Variants in THSD7B observed in about 807,000 individuals in gnomAD.
The protein encoded by THSD7B is thrombospondin type 1 domain containing 7B.
In THSD7B, 138 loss-of-function variants were observed where a neutral mutation model predicts 213.6. That is an observed-to-expected ratio of 0.65 (90% CI 0.56 to 0.74). The LOEUF is 0.74. Among genes scored for constraint, THSD7B ranks in the 30% least tolerant of loss-of-function variants. THSD7B has a pLI of 0.00. For missense variants in THSD7B, 1,931 were observed against 1,991.5 expected (o/e 0.97, Z 0.58); for synonymous variants, 742 against 687.0 (o/e 1.08, Z -1.25).
Position 137,353,009 on chromosome 2 carries a change from C to T in THSD7B, c.2501-52604C>T, listed in dbSNP as rs572542177. ...TTAAAATCTCCTAGAATTGGAGTTT[C>T]CTGGAAGATAGTAGAAATGTAGAGT... On this transcript the variant is annotated intron_variant, in intron 12 of 27. Transcript: ENST00000409968. Among the ~76,000 whole-genome samples the T allele has an allele frequency of 2.0e-5, 3 of 151,890 alleles. No homozygotes were observed. The East Asian group carries it at 5.8e-4, about 30-fold the overall frequency.
At chr2:136,792,499 T>G (rs1157266998) in intron 1 of THSD7B, among the ~76,000 whole-genome samples, 1 of 151,980 alleles carries the variant, frequency 6.6e-6, no homozygotes, top group Non-Finnish European at 1.5e-5. Context: ...GTGTGAACCC[T>G]GGTGTAAACG....
At chr2:137,583,576 C>T (rs929497711) in intron 17 of THSD7B, among the ~76,000 whole-genome samples, 3 of 152,180 alleles carry the variant, frequency 2.0e-5, no homozygotes, top group Non-Finnish European at 2.9e-5. Flanking sequence ...GTTTTCCCAG[C>T]ACCATTTATT....
chr2:136,778,084 G>T (rs1443705957), intron 1 of THSD7B, among the ~76,000 whole-genome samples: 1 of 152,082 alleles, frequency 6.6e-6, no homozygotes, highest in Non-Finnish European at 1.5e-5. Context: ...TCTGGTTGAT[G>T]GAATTATCAT....
intron 7 of THSD7B, among the ~76,000 whole-genome samples, chr2:137,191,016 C>T (rs1680646497): frequency 6.6e-6 from 1 of 152,192 alleles, no homozygotes; most frequent in Non-Finnish European, 1.5e-5. Flanking sequence ...AGGCGATCAC[C>T]CAAGCTGCCT....
intron 1 of THSD7B, among the ~76,000 whole-genome samples, chr2:136,873,572 T>C (rs572594492): frequency 6.6e-6 from 1 of 152,334 alleles, no homozygotes; most frequent in Non-Finnish European, 1.5e-5. Flanking sequence ...TTCAGAAATA[T>C]GGCACAAAGT....
At chr2:137,369,988 A>AATC (rs397770300) in intron 12 of THSD7B, among the ~76,000 whole-genome samples, 13 of 151,846 alleles carry the variant, frequency 8.6e-5, no homozygotes, top group Admixed American at 7.9e-4. Context: ...GGAAGAAAAA[A>AATC]TCTGCCACTT....
At chr2:136,875,128 A>G (rs1158198081) in intron 1 of THSD7B, among the ~76,000 whole-genome samples, 3 of 152,202 alleles carry the variant, frequency 2.0e-5, no homozygotes, top group African/African-American at 7.2e-5. Flanking sequence ...CCTGTGTTCA[A>G]ACTCCATTCT....
chr2:136,994,088 C>T (rs1558880108), intron 2 of THSD7B, among the ~76,000 whole-genome samples: 1 of 152,174 alleles, frequency 6.6e-6, no homozygotes, highest in African/African-American at 2.4e-5. Flanking sequence ...TGCCACATCA[C>T]AGATGACTTG....
chr2:137,056,892 C>A lies in THSD7B; in HGVS notation c.612C>A (p.Arg204=). 1 of 1,613,846 alleles carries A rather than the reference C, an allele frequency of 6.2e-7. No homozygotes were observed. Among genetic ancestry groups the A allele is most frequent in the Non-Finnish European group, 8.5e-7 (1 of 1,179,864 alleles). ...GCGKKLQHRT[R]AVIAPPLFGG... The stretch of plus-strand genomic sequence containing the variant: ...GGAAGAAATTGCAGCATAGAACTCG[C>A]GCGGTCATAGCTCCCCCTCTCTTTG... The change falls in exon 3 of 28, where the codon CGC becomes CGA. Residue 204 remains arginine, a synonymous_variant. Transcript: ENST00000409968.
At position 137,382,127 on chromosome 2, in the gene THSD7B, A is replaced by AT. The variant is rs1385964347; in HGVS notation, c.2501-23476dup. Among the ~76,000 whole-genome samples the AT allele has an allele frequency of 7.2e-3, 1,068 of 149,014 alleles. 6 individuals carry two copies. Among genetic ancestry groups the AT allele is most frequent in the African/African-American group, 0.02 (807 of 40,804 alleles). On this transcript the variant is annotated intron_variant, in intron 12 of 27. Transcript: ENST00000409968. ...ACTACGTGGTGGACTTGGCTAATGC[A>AT]TTTTTTTTTTCTAGAGAGCCAGAAA...
At chr2:136,817,628 C>T (rs1682495851) in intron 1 of THSD7B, among the ~76,000 whole-genome samples, 3 of 151,652 alleles carry the variant, frequency 2.0e-5, no homozygotes, top group Admixed American at 2.0e-4. Context: ...GAATCCTTTC[C>T]CCATTGCTTG....
chr2:137,224,197 C>T (rs1029787410), intron 7 of THSD7B, among the ~76,000 whole-genome samples: 3 of 152,194 alleles, frequency 2.0e-5, no homozygotes, highest in Non-Finnish European at 2.9e-5. Flanking sequence ...TCTCTTCTCA[C>T]CTTGAGTAAC....
chr2:137,092,445 A>G (rs968563199), intron 3 of THSD7B, among the ~76,000 whole-genome samples: 5 of 152,094 alleles, frequency 3.3e-5, no homozygotes, highest in African/African-American at 1.2e-4. Flanking sequence ...TAAATAAAAT[A>G]AAATATTGGA....
intron 15 of THSD7B, among the ~76,000 whole-genome samples, chr2:137,472,694 A>G (rs1688115636): frequency 1.3e-5 from 2 of 152,206 alleles, no homozygotes; most frequent in Non-Finnish European, 2.9e-5. Context: ...CCATTTAGGT[A>G]GTTTTAGATA....
chr2:137,675,256 T>C (rs1683670633), intron 27 of THSD7B, among the ~76,000 whole-genome samples: 1 of 151,896 alleles, frequency 6.6e-6, no homozygotes, highest in Admixed American at 6.6e-5. Context: ...TAGATAATGG[T>C]GATGGTACAC....
At chr2:136,860,193 A>T (rs1441421417) in intron 1 of THSD7B, among the ~76,000 whole-genome samples, 5 of 151,732 alleles carry the variant, frequency 3.3e-5, no homozygotes, top group African/African-American at 1.2e-4. Flanking sequence ...GTATCTTAGG[A>T]GGCCAGGGCA....
chr2:137,435,872 T>C (rs1687279499), intron 14 of THSD7B, among the ~76,000 whole-genome samples: 1 of 152,162 alleles, frequency 6.6e-6, no homozygotes, highest in African/African-American at 2.4e-5. Flanking sequence ...TCTGTGTCTT[T>C]GGGTCTCCGG....
chr2:136,789,015 C>T (rs1681916199), intron 1 of THSD7B, among the ~76,000 whole-genome samples: 1 of 151,944 alleles, frequency 6.6e-6, no homozygotes, highest in Admixed American at 6.6e-5. Context: ...CATTAGTATG[C>T]AGTTGATTAG....
chr2:137,081,149 A>C (rs1251506578), intron 3 of THSD7B, among the ~76,000 whole-genome samples: 1 of 152,090 alleles, frequency 6.6e-6, no homozygotes. Flanking sequence ...TTTAAAGTTT[A>C]ATCGTTTTAC....
Sources: allele counts gnomAD v4.1 joint callset (sites outside exome capture counted in the v4.1 genomes callset), GRCh38; gene constraint gnomAD v4.1.1; transcripts MANE v1.5; gene names NCBI Gene and HGNC (gene_info 2026-07-23, HGNC 2026-07-21).